IFT56: variants seen among roughly 807,000 people sequenced by gnomAD.
The protein encoded by IFT56 is intraflagellar transport protein 56.
the IFT56 span, among the ~76,000 whole-genome samples, chr7:139,135,949 G>A: frequency 6.7e-6 from 1 of 149,898 alleles, no homozygotes; most frequent in Non-Finnish European, 1.5e-5. Flanking sequence ...TTGAGTTGGA[G>A]TTTCACTCTT....
the IFT56 span, among the ~76,000 whole-genome samples, chr7:139,141,754 A>G: frequency 1.3e-5 from 2 of 152,242 alleles, no homozygotes; most frequent in African/African-American, 2.4e-5. Context: ...TCAGGATGGC[A>G]CATAATTATG....
At chr7:139,157,221 A>T in the IFT56 span, among the ~76,000 whole-genome samples, 1 of 129,780 alleles carries the variant, frequency 7.7e-6, no homozygotes, top group Non-Finnish European at 1.5e-5. Context: ...ATCTTGCCTC[A>T]CTGCAACCTC....
the IFT56 span, chr7:139,191,724 G>A: frequency 3.3e-5 from 5 of 152,146 alleles, no homozygotes; most frequent in Non-Finnish European, 7.3e-5. Flanking sequence ...AGCTACTTCT[G>A]AAATGTCTTA....
chr7:139,158,313 C>CAAAAAAAAAAAAAAAAAAAAAAA, the IFT56 span, among the ~76,000 whole-genome samples: 2 of 115,374 alleles, frequency 1.7e-5, no homozygotes, highest in Admixed American at 9.3e-5. Flanking sequence ...GACGCCATCT[C>CAAAAAAAAAAAAAAAAAAAAAAA]AAAAAAAAAA....
At chr7:139,163,120 G>A in the IFT56 span, among the ~76,000 whole-genome samples, 8 of 152,050 alleles carry the variant, frequency 5.3e-5, no homozygotes, top group African/African-American at 1.4e-4. Context: ...CGAGGTGGGC[G>A]GATCACGAGG....
chr7:139,134,776 C>T, the IFT56 span: 1 of 1,613,658 alleles, frequency 6.2e-7, no homozygotes, highest in South Asian at 1.1e-5. Context: ...TTCACTGGAG[C>T]TATTACCCTG....
the IFT56 span, among the ~76,000 whole-genome samples, chr7:139,145,398 G>C: frequency 6.6e-6 from 1 of 151,614 alleles, no homozygotes; most frequent in African/African-American, 2.4e-5. Flanking sequence ...TCACTTGGTA[G>C]CTCTCTGAAC....
chr7:139,151,703 G>A, the IFT56 span, among the ~76,000 whole-genome samples: 3 of 152,180 alleles, frequency 2.0e-5, no homozygotes, highest in African/African-American at 7.2e-5. Context: ...TAAAGATTTT[G>A]TAGGCTGAAA....
At chr7:139,138,833 C>T in the IFT56 span, among the ~76,000 whole-genome samples, 10 of 134,328 alleles carry the variant, frequency 7.4e-5, no homozygotes, top group Admixed American at 1.6e-4. Flanking sequence ...TTTTTTGATA[C>T]GGAGTCTTGC....
At chr7:139,165,140 C>T in the IFT56 span, 1 of 1,612,544 alleles carries the variant, frequency 6.2e-7, no homozygotes, top group Non-Finnish European at 8.5e-7. Context: ...AGGTTGTTTT[C>T]CGAGGAGGTG....
At chr7:139,186,405 A>G in the IFT56 span, among the ~76,000 whole-genome samples, 11 of 152,006 alleles carry the variant, frequency 7.2e-5, no homozygotes, top group African/African-American at 2.7e-4. Flanking sequence ...CAGCCTGGGC[A>G]ATAGTGCAAG....
the IFT56 span, among the ~76,000 whole-genome samples, chr7:139,174,691 A>G: frequency 6.6e-6 from 1 of 152,160 alleles, no homozygotes; most frequent in Non-Finnish European, 1.5e-5. Context: ...CCAATTTAAA[A>G]ATGAGCAAAA....
the IFT56 span, chr7:139,173,232 T>TAC: frequency 2.0e-6 from 1 of 494,454 alleles, no homozygotes; most frequent in Admixed American, 3.5e-5. Flanking sequence ...CACCTTTTTT[T>TAC]TTTTTTTTTT....
At chr7:139,137,981 A>G in the IFT56 span, 6 of 1,230,944 alleles carry the variant, frequency 4.9e-6, no homozygotes, top group African/African-American at 1.5e-5. Context: ...AACTGTGTTT[A>G]AAATGTTATT....
the IFT56 span, chr7:139,189,975 G>C: frequency 0.18 from 27,472 of 152,190 alleles, 4,399 homozygotes; most frequent in African/African-American, 0.39. Context: ...TCATTAATAG[G>C]ATAGATTTAT....
At chr7:139,156,654 G>A in the IFT56 span, among the ~76,000 whole-genome samples, 100 of 152,090 alleles carry the variant, frequency 6.6e-4, no homozygotes, top group African/African-American at 2.2e-3. Flanking sequence ...TGATTTTTGT[G>A]TAGACTGAAG....
chr7:139,134,006 AT>A, the IFT56 span: 1 of 963,670 alleles, frequency 1.0e-6, no homozygotes, highest in South Asian at 1.4e-5. Context: ...GGGGACAGGG[AT>A]GCAACTGTAA....
chr7:139,134,321 G>C, the IFT56 span, among the ~76,000 whole-genome samples: 7 of 151,336 alleles, frequency 4.6e-5, no homozygotes, highest in African/African-American at 1.5e-4. Flanking sequence ...GCCCAGGTTG[G>C]AGTGCAGTGG....
At chr7:139,141,218 G>A in the IFT56 span, among the ~76,000 whole-genome samples, 37,070 of 149,412 alleles carry the variant, frequency 0.25, 8,311 homozygotes, top group African/African-American at 0.57. Flanking sequence ...CCGAGATTGC[G>A]CCACTGCACT....
Sources: allele counts gnomAD v4.1 joint callset (sites outside exome capture counted in the v4.1 genomes callset), GRCh38; gene constraint gnomAD v4.1.1; transcripts MANE v1.5; gene names NCBI Gene and HGNC (gene_info 2026-07-23, HGNC 2026-07-21).